Variants in METTL9 observed in about 807,000 individuals in gnomAD.
The protein encoded by METTL9 is protein-L-histidine N-pros-methyltransferase.
In METTL9, 10 loss-of-function variants were observed where a neutral mutation model predicts 36.0. The observed-to-expected ratio is 0.28, with a 90% confidence interval of 0.17 to 0.47. The LOEUF is 0.47. METTL9 is among the 20% of genes least tolerant of loss of function. The pLI is 0.99. For synonymous variants in METTL9, 175 were observed against 149.7 expected (o/e 1.17, Z -1.23); for missense variants, 246 against 383.5 (o/e 0.64, Z 3.00).
chr16:21,630,449 G>C (rs372952719), intron 4 of METTL9, among the ~76,000 whole-genome samples: 1 of 152,232 alleles, frequency 6.6e-6, no homozygotes, highest in Non-Finnish European at 1.5e-5. Flanking sequence ...CAGAGCCGAC[G>C]CCGTGGCCGA....
In METTL9 at chr16:21,631,612, C is replaced by T. The variant is rs567965780; in HGVS notation, c.751+6497C>T. ...TAATCGCCCGGGAGGAACCATCTAT[C>T]GTCCTGTCCTGAAGGGAGTTCCTCC... On this transcript the variant is annotated intron_variant, in intron 4 of 4. Transcript: ENST00000358154. Among the ~76,000 whole-genome samples the T allele has an allele frequency of 2.0e-4, 30 of 152,298 alleles. No homozygotes were observed. The East Asian group carries it at 4.8e-3, about 25-fold the overall frequency.
intron 4 of METTL9, among the ~76,000 whole-genome samples, chr16:21,632,744 C>T (rs1965994078): frequency 6.6e-6 from 1 of 152,178 alleles, no homozygotes; most frequent in South Asian, 2.1e-4. Flanking sequence ...TTTTGATAGC[C>T]TCTGACACTA....
At chr16:21,599,516 G>C (rs1965038942), upstream of METTL9, 24 of 1,258,846 alleles carry the variant, frequency 1.9e-5, no homozygotes, top group Non-Finnish European at 2.2e-5. The surrounding 1 kb of genome is among the most constrained non-coding windows in gnomAD (Gnocchi z 4.4). Flanking sequence ...GGTGCAGGGG[G>C]CAGCGGCGTT....
chr16:21,623,162 G>A (rs939505230), intron 3 of METTL9, among the ~76,000 whole-genome samples: 1 of 152,116 alleles, frequency 6.6e-6, no homozygotes, highest in Non-Finnish European at 1.5e-5. Flanking sequence ...AAGCCTGAAT[G>A]CTCTACTTAT....
intron 4 of METTL9, chr16:21,639,976 T>C (rs1966205618): frequency 6.6e-6 from 1 of 151,444 alleles, no homozygotes; most frequent in South Asian, 2.1e-4. Flanking sequence ...TCTTGCTCTG[T>C]CACCTAGGCT....
chr16:21,647,128 C>T, intron 4 of METTL9: 1 of 1,614,100 alleles, frequency 6.2e-7, no homozygotes, highest in East Asian at 2.2e-5. Context: ...GCCTCGCTGA[C>T]TGACCTCTTA....
chr16:21,607,297 A>G (rs975777196), intron 1 of METTL9, among the ~76,000 whole-genome samples: 2 of 152,104 alleles, frequency 1.3e-5, no homozygotes, highest in African/African-American at 4.8e-5. Context: ...CTGGTCTTGA[A>G]CTCTTGACTT....
At chr16:21,632,380 C>A (rs1373072012) in intron 4 of METTL9, among the ~76,000 whole-genome samples, 1 of 152,186 alleles carries the variant, frequency 6.6e-6, no homozygotes, top group Admixed American at 6.5e-5. Context: ...AGTACGGTTA[C>A]ATCATGAACT....
At chr16:21,654,990 T>A in intron 4 of METTL9, 1 of 537,194 alleles carries the variant, frequency 1.9e-6, no homozygotes, top group South Asian at 2.2e-5. Flanking sequence ...TGGGCTTACA[T>A]TTCCATACTG....
At chr16:21,654,278 C>G (rs530396762) in intron 4 of METTL9, 1 of 152,108 alleles carries the variant, frequency 6.6e-6, no homozygotes. Context: ...ATCTCCTGAC[C>G]TCGTGATCCG....
At chr16:21,606,332 G>T (rs1436302306) in intron 1 of METTL9, among the ~76,000 whole-genome samples, 1 of 151,970 alleles carries the variant, frequency 6.6e-6, no homozygotes. Flanking sequence ...GCGAGACTCC[G>T]TCTCAAAATA....
chr16:21,645,561 A>G (rs1006802230), intron 4 of METTL9, among the ~76,000 whole-genome samples: 32 of 152,232 alleles, frequency 2.1e-4, no homozygotes, highest in Admixed American at 6.5e-4. Flanking sequence ...CATCTATACA[A>G]CTAAAATAAA....
chr16:21,651,666 C>G (rs928090906), intron 4 of METTL9, among the ~76,000 whole-genome samples: 3 of 152,056 alleles, frequency 2.0e-5, no homozygotes, highest in African/African-American at 7.2e-5. Context: ...TACAGTCAAC[C>G]CCCTGCCATC....
At chr16:21,627,447 C>G (rs1965840789) in intron 4 of METTL9, 1 of 906,504 alleles carries the variant, frequency 1.1e-6, no homozygotes, top group African/African-American at 1.8e-5. Context: ...GTTTACTGAC[C>G]CAGTTTTGGC....
chr16:21,619,693 C>A (rs1264052231), intron 3 of METTL9, among the ~76,000 whole-genome samples: 1 of 151,118 alleles, frequency 6.6e-6, no homozygotes, highest in Non-Finnish European at 1.5e-5. Context: ...GCCTTGGCCT[C>A]CCAAAGTGTT....
At chr16:21,630,050 C>T (rs1489614638) in intron 4 of METTL9, among the ~76,000 whole-genome samples, 1 of 152,160 alleles carries the variant, frequency 6.6e-6, no homozygotes, top group East Asian at 1.9e-4. Flanking sequence ...GGTGTGTTTA[C>T]AAACTTTTAG....
At position 21,656,993 on chromosome 16, in the gene METTL9, A is replaced by C. The variant is rs1966724282; in HGVS notation, c.*1561A>C. 6.6e-6 allele frequency: 1 copy of C among 152,074 alleles called. No individual in the cohort carries two copies. The highest frequency in any genetic ancestry group is 1.5e-5 in the Non-Finnish European group (1 of 68,010). 9.4% of individuals were successfully genotyped at this position (152,074 alleles called of 1,614,324 possible). A position where few individuals can be genotyped will look rare whatever the true frequency, so the allele number is the denominator to read the frequency against. On this transcript the variant is annotated 3_prime_UTR_variant, in exon 5 of 5. Coordinates refer to ENST00000358154, the MANE Select transcript of METTL9 (RefSeq NM_016025.5). ...TAAAAATAGAAAGAGGAAATGAGAA[A>C]ACTTAATGTCGTTCTTGTACAGTTG...
intron 2 of METTL9, among the ~76,000 whole-genome samples, chr16:21,616,042 A>G (rs1375541385): frequency 6.6e-6 from 1 of 152,158 alleles, no homozygotes; most frequent in East Asian, 1.9e-4. Flanking sequence ...TGGGAAAAGG[A>G]AGGGGGACTT....
intron 3 of METTL9, among the ~76,000 whole-genome samples, chr16:21,622,525 C>T (rs1597756291): frequency 6.6e-6 from 1 of 152,200 alleles, no homozygotes; most frequent in Non-Finnish European, 1.5e-5. Context: ...TGAATAGATA[C>T]CCTCATTCTA....
Sources: allele counts gnomAD v4.1 joint callset (sites outside exome capture counted in the v4.1 genomes callset), GRCh38; gene constraint gnomAD v4.1.1; non-coding constraint Gnocchi (gnomAD v3.1); transcripts MANE v1.5; gene names NCBI Gene and HGNC (gene_info 2026-07-23, HGNC 2026-07-21).